FAM186B: variants seen among roughly 807,000 people sequenced by gnomAD.
The protein encoded by FAM186B is protein FAM186B.
Under a neutral mutation model 83.4 loss-of-function variants are expected in FAM186B, and 68 were observed. The observed-to-expected ratio is 0.81, with a 90% CI of 0.67 to 1.00. FAM186B has a LOEUF of 1.00. Among genes scored for constraint, FAM186B ranks in the 50% least tolerant of loss-of-function variants. The probability of loss-of-function intolerance (pLI) is 0.00; values close to 1 mark genes in which losing one functional copy is unlikely to be tolerated. For synonymous variants in FAM186B, 389 were observed against 422.0 expected, an observed-to-expected ratio of 0.92 and a Z score of 0.96; for missense variants, 983 against 1,099.2, an observed-to-expected ratio of 0.89 and a Z score of 1.49.
At chr12:49,615,764 G>A in the FAM186B span, among the ~76,000 whole-genome samples, 2 of 151,766 alleles carry the variant, frequency 1.3e-5, no homozygotes, top group South Asian at 2.1e-4. Flanking sequence ...ACTCCAGCCC[G>A]GGCAACAGAG....
At chr12:49,616,899 C>T in the FAM186B span, among the ~76,000 whole-genome samples, 2 of 152,132 alleles carry the variant, frequency 1.3e-5, no homozygotes, top group Admixed American at 6.6e-5. Flanking sequence ...TTGTAATGCT[C>T]GAGACTGTGG....
At chr12:49,610,266 C>T (rs1399334334), upstream of FAM186B, among the ~76,000 whole-genome samples, 1 of 152,090 alleles carries the variant, frequency 6.6e-6, no homozygotes, top group Non-Finnish European at 1.5e-5. Context: ...AATTCTGGCA[C>T]CATGAAAAAT....
chr12:49,593,048 A>T (rs1484706219), intron 5 of FAM186B: 4 of 152,264 alleles, frequency 2.6e-5, no homozygotes, highest in Non-Finnish European at 2.9e-5. Context: ...TGCATAAAAA[A>T]GCAAGACCCA....
intron 3 of FAM186B, among the ~76,000 whole-genome samples, chr12:49,602,254 G>A (rs1481804313): frequency 6.6e-6 from 1 of 152,032 alleles, no homozygotes; most frequent in African/African-American, 2.4e-5. Context: ...ATCTAGCGAG[G>A]GTCTAAGTAT....
intron 5 of FAM186B, among the ~76,000 whole-genome samples, chr12:49,592,718 G>A (rs1238412943): frequency 1.3e-5 from 2 of 152,128 alleles, no homozygotes; most frequent in African/African-American, 2.4e-5. Context: ...TCCAGGAGGC[G>A]GAGGTTATGG....
At chr12:49,602,166 G>T (rs963772140) in intron 3 of FAM186B, among the ~76,000 whole-genome samples, 2 of 152,180 alleles carry the variant, frequency 1.3e-5, no homozygotes, top group Non-Finnish European at 2.9e-5. Flanking sequence ...GCAGTAACAG[G>T]TACCTAGTAA....
chr12:49,587,780 A>T, intron 6 of FAM186B, 28 bp from the exon 7 acceptor site: 2 of 1,598,750 alleles, frequency 1.3e-6, no homozygotes, highest in Non-Finnish European at 1.7e-6. Context: ...GGAGAATGTG[A>T]AAAGCAACAG....
chr12:49,599,916 G>A lies in FAM186B; in HGVS notation c.1724C>T (p.Ser575Leu), dbSNP rs1308082299. The change falls in exon 4 of 7, where the codon TCA becomes TTA. Residue 575 changes from serine to leucine, a missense_variant. Physicochemically the swap from Ser to Leu is moderately radical, Grantham distance 145. Transcript: ENST00000257894. ...RWRDLEKAEL[S>L]LVPAPSRTQS... is the part of the protein sequence containing the mutation. ...GGTCCGGCTTGGGGCAGGCACTAAT[G>A]ATAGCTCTGCCTTCTCCAAGTCCCT... 6.2e-7 allele frequency: 1 copy of A among 1,613,398 alleles called. No homozygotes were observed. The highest frequency in any genetic ancestry group is 8.5e-7 in the Non-Finnish European group (1 of 1,179,620).
rs144942859 is a variant in FAM186B, at chr12:49,599,647, C to G, written c.1993G>C (p.Asp665His). 5 of 1,606,218 alleles carry G rather than the reference C, an allele frequency of 3.1e-6. No homozygotes were observed. In the African/African-American group the frequency reaches 6.7e-5, roughly 22 times the overall value. The change falls in exon 4 of 7, where the codon GAC becomes CAC. Residue 665 changes from aspartate to histidine, a missense_variant. Coordinates refer to ENST00000257894, the MANE Select transcript of FAM186B (RefSeq NM_032130.3). ...AGGTTCTTCCTCTGGGCCTCCATGT[C>G]CATGTGGTACACCTTCTTCTTAATA... ...ANIKKKVYHM[D>H]MEAQRKNLQL... is the part of the protein sequence containing the mutation.
the FAM186B span, among the ~76,000 whole-genome samples, chr12:49,612,786 GGA>G: frequency 6.6e-6 from 1 of 152,008 alleles, no homozygotes; most frequent in Non-Finnish European, 1.5e-5. Context: ...AATAATATTG[GGA>G]GACTTTAACA....
the FAM186B span, among the ~76,000 whole-genome samples, chr12:49,616,351 C>T: frequency 6.6e-6 from 1 of 152,136 alleles, no homozygotes; most frequent in Non-Finnish European, 1.5e-5. Context: ...AAAAAATATG[C>T]ATTAGCATAT....
chr12:49,594,524 T>G (rs1269814), intron 5 of FAM186B, among the ~76,000 whole-genome samples: 110,720 of 152,166 alleles, frequency 0.73, 42,324 homozygotes, highest in African/African-American at 0.94. Context: ...ATAGAACAAT[T>G]TTAACAATAT....
At chr12:49,602,258 T>C (rs1228251734) in intron 3 of FAM186B, among the ~76,000 whole-genome samples, 1 of 152,244 alleles carries the variant, frequency 6.6e-6, no homozygotes, top group East Asian at 1.9e-4. Context: ...AGCGAGGGTC[T>C]AAGTATACAA....
Position 49,600,743 on chromosome 12 carries a change from G to A in FAM186B, c.897C>T (p.Ile299=). 6.2e-7 allele frequency: 1 copy of A among 1,614,130 alleles called. No individual in the cohort carries two copies. The highest frequency in any genetic ancestry group is 1.1e-5 in the South Asian group (1 of 91,070). Residue 299 remains isoleucine, a synonymous_variant, in exon 4 of 7, where the codon ATC becomes ATT. Transcript: ENST00000257894. The surrounding 1 kb of genome is among the most constrained non-coding windows in gnomAD (Gnocchi z 4.3). ...RRDALLKQVE[I]LGGRYHDLLL... is the part of the protein sequence containing the mutation. ...GAAGGTCATGGTACCTTCCCCCTAA[G>A]ATCTCTACCTGCTTCAGCAGAGCAT...
At chr12:49,609,677 C>G (rs1002456597), upstream of FAM186B, among the ~76,000 whole-genome samples, 1 of 152,182 alleles carries the variant, frequency 6.6e-6, no homozygotes, top group Non-Finnish European at 1.5e-5. Context: ...TTTAGGCCAC[C>G]CTGGTTCCTT....
rs766850153 is a variant in FAM186B at position 49,600,052 on chromosome 12, G to C, written c.1588C>G (p.Gln530Glu). The change falls in exon 4 of 7, where the codon CAA becomes GAA. Residue 530 changes from glutamine (Q) to glutamate (E), a missense_variant. By Grantham distance (29) the Gln-to-Glu change is conservative. Transcript: ENST00000257894. This position sits in a 1 kb window ranked among gnomAD's most constrained non-coding sequence, Gnocchi z 4.3. ...TCTAGCTGGACCCATCTCCGCTGTTGCTCCCTGGCCAGGTCTTCCAGATTC... is the reference window on the plus strand; with the variant it reads ...TCTAGCTGGACCCATCTCCGCTGTTCCTCCCTGGCCAGGTCTTCCAGATTC... ...QWNLEDLARE[Q>E]QRRWVQLEKE... 2 of 1,606,096 alleles carry C rather than the reference G, an allele frequency of 1.2e-6. No individual in the cohort carries two copies. Among genetic ancestry groups the C allele is most frequent in the Admixed American group, 3.4e-5 (2 of 59,588 alleles).
chr12:49,587,442 G>A (rs564460847), downstream of FAM186B: 13 of 964,914 alleles, frequency 1.3e-5, no homozygotes, highest in East Asian at 1.6e-4. Context: ...GCTTACAGCC[G>A]CCGAGCAAAG....
At chr12:49,611,576 G>A in the FAM186B span, among the ~76,000 whole-genome samples, 5 of 139,236 alleles carry the variant, frequency 3.6e-5, no homozygotes, top group Non-Finnish European at 6.2e-5. Flanking sequence ...AAATAAAAAT[G>A]TAGGCCGGGC....
chr12:49,617,932 A>G, the FAM186B span, among the ~76,000 whole-genome samples: 2 of 152,348 alleles, frequency 1.3e-5, no homozygotes, highest in South Asian at 2.1e-4. Context: ...GCAGAACTCT[A>G]TGGCAAATGG....
Sources: gnomAD v4.1 joint callset for allele counts (sites outside exome capture counted in the v4.1 genomes callset) on GRCh38, gnomAD v4.1.1 for gene constraint, Gnocchi (gnomAD v3.1) non-coding constraint, MANE v1.5 for transcripts, NCBI Gene and HGNC (gene_info 2026-07-23, HGNC 2026-07-21) for gene names.